Variants in G3BP2 observed in about 807,000 individuals in gnomAD.
G3BP2 encodes the protein G3BP stress granule assembly factor 2.
In G3BP2, 11 loss-of-function variants were observed where a neutral mutation model predicts 56.7. The observed-to-expected ratio is 0.19, with a 90% CI of 0.12 to 0.32. The LOEUF is 0.32. Ranked by LOEUF, G3BP2 falls within the 10% of genes least tolerant of loss-of-function variation. The pLI is 1.00. For synonymous variants in G3BP2, 165 were observed against 191.6 expected, an observed-to-expected ratio of 0.86 and a Z score of 1.15; for missense variants, 340 against 610.9, an observed-to-expected ratio of 0.56 and a Z score of 4.67.
At chr4:75,704,457 A>G (rs1220542263) in intron 3 of G3BP2, among the ~76,000 whole-genome samples, 1 of 151,618 alleles carries the variant, frequency 6.6e-6, no homozygotes, top group Non-Finnish European at 1.5e-5. Flanking sequence ...AGCTGGGACC[A>G]CAGGCTTGAG....
chr4:75,676,843 C>A (rs1415745990), upstream of G3BP2, among the ~76,000 whole-genome samples: 2 of 152,114 alleles, frequency 1.3e-5, no homozygotes, highest in Admixed American at 1.3e-4. Context: ...ATCTCAGGTC[C>A]TTACCATGGC....
At chr4:75,705,590 C>T (rs755425877) in intron 3 of G3BP2, among the ~76,000 whole-genome samples, 5 of 152,070 alleles carry the variant, frequency 3.3e-5, no homozygotes, top group Non-Finnish European at 5.9e-5. Context: ...AGGAGGGAGG[C>T]CTTCCAGGAA....
At chr4:75,671,976 G>A (rs1578413291) in intron 1 of G3BP2, among the ~76,000 whole-genome samples, 1 of 152,132 alleles carries the variant, frequency 6.6e-6, no homozygotes, top group Admixed American at 6.5e-5. Flanking sequence ...CTAGTACACC[G>A]GGGCTCTCTT....
intron 3 of G3BP2, among the ~76,000 whole-genome samples, chr4:75,701,814 A>G (rs957747968): frequency 6.6e-6 from 1 of 152,160 alleles, no homozygotes. Context: ...TTATCCACTT[A>G]TATTCTACCC....
chr4:75,669,847 C>T (rs1371408396), intron 1 of G3BP2, among the ~76,000 whole-genome samples: 1 of 152,096 alleles, frequency 6.6e-6, no homozygotes, highest in African/African-American at 2.4e-5. Flanking sequence ...AATTCTAGCA[C>T]TTCGGGAGGC....
At chr4:75,696,748 G>C (rs1719133895) in intron 3 of G3BP2, among the ~76,000 whole-genome samples, 1 of 152,208 alleles carries the variant, frequency 6.6e-6, no homozygotes, top group African/African-American at 2.4e-5. Context: ...TAAATCAGGA[G>C]TGTGGACACC....
At position 75,704,012 on chromosome 4, in the gene G3BP2, GTT is replaced by G. The variant is rs11315970; in HGVS notation, c.-25+16863_-25+16864del. 2.5e-3 allele frequency among the ~76,000 whole-genome samples: 347 copies of G among 138,930 alleles called. 3 individuals are homozygous for G. The highest frequency in any genetic ancestry group is 0.015 in the Middle Eastern group (4 of 272). 91.1% of individuals were successfully genotyped at this position (138,930 alleles called of 152,430 possible). A position where few individuals can be genotyped will look rare whatever the true frequency, so the allele number is the denominator to read the frequency against. On this transcript the variant is annotated intron_variant, in intron 3 of 3. Coordinates refer to the G3BP2 transcript ENST00000499709. ...TAGTCCTCTGTAATGTCTATGAAAG[GTT>G]TTTTTTTTTTTCTTTTTTTTTTTGA... is the stretch of plus-strand genomic sequence containing the variant.
Position 75,657,739 on chromosome 4 carries a change from G to C in G3BP2, c.178-9C>G. 6.4e-7 allele frequency: 1 copy of C among 1,568,620 alleles called. No individual in the cohort carries two copies. The highest frequency in any genetic ancestry group is 8.7e-7 in the Non-Finnish European group (1 of 1,142,952). On this transcript the variant is annotated splice_polypyrimidine_tract_variant and intron_variant, in intron 3 of 11. Transcript: ENST00000359707. ...ACTTTGTGGTGTATATCCTTTATTAGGGAGGGAGGGAAAAATATAAACTCT... is the reference window on the plus strand; with the variant it reads ...ACTTTGTGGTGTATATCCTTTATTACGGAGGGAGGGAAAAATATAAACTCT...
intron 3 of G3BP2, among the ~76,000 whole-genome samples, chr4:75,696,125 C>G (rs1266175512): frequency 1.3e-5 from 2 of 151,912 alleles, no homozygotes; most frequent in East Asian, 3.9e-4. Context: ...AAGACAAAGA[C>G]CAAAATAGAC....
chr4:75,708,870 G>A (rs889079964), intron 3 of G3BP2, among the ~76,000 whole-genome samples: 5 of 152,186 alleles, frequency 3.3e-5, no homozygotes, highest in Non-Finnish European at 7.3e-5. Context: ...CAGTACTTTG[G>A]GAAGCCAAGG....
intron 8 of G3BP2, chr4:75,649,249 T>C (rs1447931901): frequency 2.6e-5 from 4 of 152,412 alleles, no homozygotes; most frequent in Non-Finnish European, 4.4e-5. Flanking sequence ...TAGTTCAAAG[T>C]ATAAAAATTA....
At chr4:75,708,936 C>A (rs1442409876) in intron 3 of G3BP2, among the ~76,000 whole-genome samples, 1 of 152,122 alleles carries the variant, frequency 6.6e-6, no homozygotes, top group Admixed American at 6.5e-5. Flanking sequence ...CATGGTGAAA[C>A]CCTGTCTATA....
intron 3 of G3BP2, among the ~76,000 whole-genome samples, chr4:75,698,974 C>T (rs1039568245): frequency 1.3e-5 from 2 of 152,164 alleles, no homozygotes; most frequent in African/African-American, 4.8e-5. Flanking sequence ...TGAGCCACCA[C>T]ATCCTGCAAC....
chr4:75,682,189 G>A (rs535051228), intron 3 of G3BP2, among the ~76,000 whole-genome samples: 1 of 152,248 alleles, frequency 6.6e-6, no homozygotes, highest in South Asian at 2.1e-4. Flanking sequence ...GGCCGAGGCA[G>A]GCGGATCACG....
intron 3 of G3BP2, chr4:75,694,776 C>A (rs1242124156): frequency 3.0e-6 from 3 of 986,402 alleles, no homozygotes; most frequent in African/African-American, 1.8e-5. Flanking sequence ...AAACAAAAAA[C>A]CACTATGTCT....
intron 7 of G3BP2, among the ~76,000 whole-genome samples, chr4:75,654,610 T>C (rs946845629): frequency 1.3e-5 from 2 of 152,246 alleles, no homozygotes; most frequent in Admixed American, 1.3e-4. Context: ...ACTAAGGATG[T>C]CACTCATCTT....
chr4:75,719,714 C>T (rs1464465611), intron 3 of G3BP2, among the ~76,000 whole-genome samples: 1 of 151,808 alleles, frequency 6.6e-6, no homozygotes, highest in African/African-American at 2.4e-5. Context: ...CTCAGCCTCC[C>T]GAGTAGCTAG....
chr4:75,652,844 G>A (rs1731805878), intron 8 of G3BP2, among the ~76,000 whole-genome samples: 3 of 152,158 alleles, frequency 2.0e-5, no homozygotes, highest in South Asian at 2.1e-4. Flanking sequence ...AATGCTTGGC[G>A]CATATCAAAG....
chr4:75,660,702 A>G (rs1307042851), intron 2 of G3BP2, among the ~76,000 whole-genome samples: 4 of 152,222 alleles, frequency 2.6e-5, no homozygotes. Flanking sequence ...ACCTACAGAT[A>G]AAGGAATTTA....
Sources: gnomAD v4.1 joint callset for allele counts (sites outside exome capture counted in the v4.1 genomes callset) on GRCh38, gnomAD v4.1.1 for gene constraint, MANE v1.5 for transcripts, NCBI Gene and HGNC (gene_info 2026-07-23, HGNC 2026-07-21) for gene names.